ERG: variants seen among roughly 807,000 people sequenced by gnomAD.
The protein encoded by ERG is transcriptional regulator ERG.
In ERG, 9 loss-of-function variants were observed where a neutral mutation model predicts 55.3. That is an observed-to-expected ratio of 0.16 (90% CI 0.10 to 0.28). ERG has a LOEUF of 0.28. ERG is among the 10% of genes least tolerant of loss of function. The pLI is 1.00. For missense variants in ERG, 434 were observed against 631.6 expected, an observed-to-expected ratio of 0.69 and a Z score of 3.35; for synonymous variants, 223 against 237.3, an observed-to-expected ratio of 0.94 and a Z score of 0.55.
intron 2 of ERG, among the ~76,000 whole-genome samples, chr21:38,433,247 G>A (rs980697089): frequency 6.6e-6 from 1 of 152,156 alleles, no homozygotes; most frequent in Non-Finnish European, 1.5e-5. Flanking sequence ...TCCCCATGAC[G>A]AGACAGCCGA....
chr21:38,416,108 G>GCAGT (rs1989267036), intron 3 of ERG, among the ~76,000 whole-genome samples: 1 of 152,192 alleles, frequency 6.6e-6, no homozygotes, highest in Non-Finnish European at 1.5e-5. Context: ...TGGAAACTAT[G>GCAGT]CAGTCCTCTA....
chr21:38,511,436 G>T (rs982479663), intron 2 of ERG, among the ~76,000 whole-genome samples: 1 of 152,132 alleles, frequency 6.6e-6, no homozygotes, highest in African/African-American at 2.4e-5. Context: ...CATGCTACAC[G>T]AGACTTCCTA....
At chr21:38,611,705 G>A (rs1490171781) in intron 1 of ERG, among the ~76,000 whole-genome samples, 3 of 152,070 alleles carry the variant, frequency 2.0e-5, no homozygotes, top group Non-Finnish European at 2.9e-5. Flanking sequence ...ACCACAGCAG[G>A]CCTTTGCTCA....
At chr21:38,618,059 T>C (rs541901702) in intron 1 of ERG, among the ~76,000 whole-genome samples, 1 of 152,254 alleles carries the variant, frequency 6.6e-6, no homozygotes, top group Non-Finnish European at 1.5e-5. Context: ...ATTTACAACT[T>C]TGCCCACTTG....
chr21:38,655,284 A>G (rs1805725098), intron 1 of ERG, among the ~76,000 whole-genome samples: 2 of 152,044 alleles, frequency 1.3e-5, no homozygotes, highest in Non-Finnish European at 2.9e-5. Flanking sequence ...CTGAACCCTG[A>G]GACCCCCGTT....
At chr21:38,433,149 A>G (rs1240390654) in intron 2 of ERG, among the ~76,000 whole-genome samples, 1 of 152,206 alleles carries the variant, frequency 6.6e-6, no homozygotes, top group Non-Finnish European at 1.5e-5. Context: ...CTTCTCCCCA[A>G]AACTTCATTG....
At chr21:38,399,599 G>A (rs951699327) in intron 6 of ERG, among the ~76,000 whole-genome samples, 1 of 152,212 alleles carries the variant, frequency 6.6e-6, no homozygotes, top group Non-Finnish European at 1.5e-5. Flanking sequence ...GAGGACAAAT[G>A]CTAAAGGCAA....
intron 1 of ERG, among the ~76,000 whole-genome samples, chr21:38,644,660 A>G (rs1324646422): frequency 6.6e-6 from 1 of 152,218 alleles, no homozygotes; most frequent in Non-Finnish European, 1.5e-5. Flanking sequence ...GGTTATCACA[A>G]TATTTACAAG....
At chr21:38,529,177 T>C (rs2059653816) in intron 2 of ERG, among the ~76,000 whole-genome samples, 1 of 151,974 alleles carries the variant, frequency 6.6e-6, no homozygotes, top group African/African-American at 2.4e-5. Context: ...GAGGGAAGTA[T>C]GAGGTGGTGT....
At position 38,527,131 on chromosome 21, in the gene ERG, A is replaced by C. The variant is rs536930677; in HGVS notation, c.-41+48531T>G. 4.6e-5 allele frequency among the ~76,000 whole-genome samples: 7 copies of C among 152,348 alleles called. 1 individual carries two copies. The South Asian group carries it at 1.4e-3, about 32-fold the overall frequency. ...ATGACCTCTCTGACCTCTCTAAAAC[A>C]ATCAGGCACTGCAAACATGGCCTAT... On this transcript the variant is annotated intron_variant, in intron 2 of 8. Coordinates refer to the ERG transcript ENST00000398897.
At chr21:38,618,366 A>T (rs1160827995) in intron 1 of ERG, among the ~76,000 whole-genome samples, 1 of 152,198 alleles carries the variant, frequency 6.6e-6, no homozygotes, top group Non-Finnish European at 1.5e-5. Context: ...CATGCCCCTA[A>T]AATAACAACT....
At chr21:38,402,661 C>T (rs1193383826) in intron 4 of ERG, 24 bp from the exon 5 acceptor site, 2 of 926,908 alleles carry the variant, frequency 2.2e-6, no homozygotes, top group Non-Finnish European at 2.8e-6. Flanking sequence ...CAAAAAGCGA[C>T]ATCAAAATGA....
At chr21:38,463,389 G>A (rs2059060699) in intron 1 of ERG, among the ~76,000 whole-genome samples, 1 of 152,212 alleles carries the variant, frequency 6.6e-6, no homozygotes. Flanking sequence ...AATACACTGG[G>A]AGAAAGGAGC....
At chr21:38,564,642 C>T (rs570775199) in intron 2 of ERG, among the ~76,000 whole-genome samples, 1 of 152,082 alleles carries the variant, frequency 6.6e-6, no homozygotes, top group African/African-American at 2.4e-5. Context: ...ATGCAAATCA[C>T]TCATATGAAG....
intron 1 of ERG, among the ~76,000 whole-genome samples, chr21:38,606,942 T>TA (rs1399554195): frequency 1.3e-5 from 2 of 151,922 alleles, no homozygotes; most frequent in Non-Finnish European, 2.9e-5. Context: ...GATTTTTTTT[T>TA]AAAAAAGGAG....
intron 1 of ERG, among the ~76,000 whole-genome samples, chr21:38,493,686 C>T (rs1316976748): frequency 6.6e-6 from 1 of 152,152 alleles, no homozygotes; most frequent in African/African-American, 2.4e-5. Context: ...CAGAACAGGA[C>T]GAAGCCAACC....
chr21:38,520,763 G>T (rs757243312), intron 2 of ERG, among the ~76,000 whole-genome samples: 8 of 152,196 alleles, frequency 5.3e-5, no homozygotes, highest in Admixed American at 4.6e-4. Context: ...AATCAGAGAT[G>T]ATCTGTGGTT....
chr21:38,453,016 T>G (rs1425814838), intron 1 of ERG, among the ~76,000 whole-genome samples: 1 of 152,234 alleles, frequency 6.6e-6, no homozygotes, highest in African/African-American at 2.4e-5. Context: ...ATGCTATAAA[T>G]GGGATCCACA....
chr21:38,596,138 C>A (rs1490473137), intron 1 of ERG, among the ~76,000 whole-genome samples: 1 of 151,972 alleles, frequency 6.6e-6, no homozygotes, highest in Non-Finnish European at 1.5e-5. Flanking sequence ...CCCAGTTAAC[C>A]CAGCAAGGCT....
Sources: allele counts gnomAD v4.1 joint callset (sites outside exome capture counted in the v4.1 genomes callset), GRCh38; gene constraint gnomAD v4.1.1; transcripts MANE v1.5; gene names NCBI Gene and HGNC (gene_info 2026-07-23, HGNC 2026-07-21).